ARFGAP3: variants seen among roughly 807,000 people sequenced by gnomAD.
ARFGAP3 encodes the protein ARF GTPase activating protein 3.
ARFGAP3 carries 72 observed loss-of-function variants against 75.0 expected under a neutral mutation model. The ratio of observed to expected loss-of-function variants is 0.96; its 90% CI spans 0.79 to 1.17. The LOEUF (loss-of-function observed/expected upper bound fraction) is 1.17. ARFGAP3 is among the 50% of genes most tolerant of loss of function. The pLI is 0.00. For synonymous variants in ARFGAP3, 221 were observed against 217.9 expected, an observed-to-expected ratio of 1.01 and a Z score of -0.13; for missense variants, 620 against 626.6, an observed-to-expected ratio of 0.99 and a Z score of 0.11.
chr22:42,834,031 C>A (rs749265440), intron 5 of ARFGAP3, among the ~76,000 whole-genome samples: 20 of 152,282 alleles, frequency 1.3e-4, no homozygotes, highest in Admixed American at 3.9e-4. Flanking sequence ...GAGATGGAAG[C>A]CACATGTTGA....
chr22:42,810,057 C>T (rs943666746), intron 12 of ARFGAP3, among the ~76,000 whole-genome samples: 4 of 150,760 alleles, frequency 2.7e-5, no homozygotes, highest in Admixed American at 1.3e-4. Flanking sequence ...CCTTCCTGAC[C>T]TAGGCCACCC....
At chr22:42,827,936 C>T (rs371444455) in intron 6 of ARFGAP3, among the ~76,000 whole-genome samples, 44 of 152,212 alleles carry the variant, frequency 2.9e-4, no homozygotes, top group East Asian at 9.7e-4. Context: ...TGAGCTACCG[C>T]GCCCAACCAT....
intron 2 of ARFGAP3, among the ~76,000 whole-genome samples, chr22:42,843,861 GTTCAA>G (rs1376081369): frequency 2.0e-5 from 3 of 152,198 alleles, no homozygotes; most frequent in Admixed American, 2.0e-4. Flanking sequence ...GCAGAGGTCA[GTTCAA>G]TCTGGTCCAC....
At position 42,822,447 on chromosome 22, in the gene ARFGAP3, T is replaced by G. The variant is rs1019435482; in HGVS notation, c.673-38A>C. 15 of 1,599,088 alleles carry G rather than the reference T, an allele frequency of 9.4e-6. No homozygotes were observed. The African/African-American group carries it at 2.0e-4, about 22-fold the overall frequency. ...TAAGACTATAGTCTACACGAGCTGTTTGAAAGCTTCTGTGACTACAGCTAA... is the reference window on the plus strand; with the variant it reads ...TAAGACTATAGTCTACACGAGCTGTGTGAAAGCTTCTGTGACTACAGCTAA... On this transcript the variant is annotated intron_variant, in intron 8 of 15. Coordinates refer to ENST00000263245, the MANE Select transcript of ARFGAP3 (RefSeq NM_014570.5).
chr22:42,854,976 T>C (rs1298695225), intron 1 of ARFGAP3, among the ~76,000 whole-genome samples: 1 of 152,258 alleles, frequency 6.6e-6, no homozygotes, highest in African/African-American at 2.4e-5. Flanking sequence ...CACAGGTGTG[T>C]TCTTCATCAT....
intron 1 of ARFGAP3, among the ~76,000 whole-genome samples, chr22:42,848,581 T>G (rs1251567652): frequency 6.6e-6 from 1 of 152,216 alleles, no homozygotes; most frequent in Non-Finnish European, 1.5e-5. Flanking sequence ...ATCTCAAACA[T>G]GCCTTATCCT....
intron 14 of ARFGAP3, among the ~76,000 whole-genome samples, chr22:42,804,637 C>T (rs1276623205): frequency 6.6e-6 from 1 of 152,134 alleles, no homozygotes; most frequent in Non-Finnish European, 1.5e-5. Flanking sequence ...GCCTCGGCCT[C>T]CCAAAGTACT....
chr22:42,811,520 C>A (rs1569141050), intron 11 of ARFGAP3, among the ~76,000 whole-genome samples: 1 of 152,212 alleles, frequency 6.6e-6, no homozygotes, highest in Non-Finnish European at 1.5e-5. Context: ...TGTTGGCAAT[C>A]CCTTCCGTGT....
intron 3 of ARFGAP3, among the ~76,000 whole-genome samples, chr22:42,838,889 T>C (rs1602122984): frequency 6.6e-6 from 1 of 151,872 alleles, no homozygotes. Context: ...GGCGGGCGGA[T>C]CACAAGGTCA....
intron 11 of ARFGAP3, among the ~76,000 whole-genome samples, chr22:42,814,162 C>A (rs1026059821): frequency 1.3e-5 from 2 of 151,894 alleles, no homozygotes; most frequent in Non-Finnish European, 2.9e-5. Flanking sequence ...TAAAAAAAAA[C>A]AAGGACAGGT....
In ARFGAP3 at chr22:42,814,762, G is replaced by A. The variant is rs142029860; in HGVS notation, c.1064+2380C>T. The stretch of plus-strand genomic sequence containing the variant: ...AAACTTTCTCTTTTTTTTGAGAGAG[G>A]GTCTTGCTCTGTTGCCCAGGCTGGA... On this transcript the variant is annotated intron_variant, in intron 11 of 15. Coordinates refer to ENST00000263245, the MANE Select transcript of ARFGAP3 (RefSeq NM_014570.5). Among the ~76,000 whole-genome samples, 713 of 152,040 alleles carry A rather than the reference G, an allele frequency of 4.7e-3. 1 individual carries two copies. Among genetic ancestry groups the A allele is most frequent in the African/African-American group, 0.015 (625 of 41,482 alleles).
intron 7 of ARFGAP3, 37 bp from the exon 8 acceptor site, chr22:42,823,739 GA>G: frequency 6.8e-7 from 1 of 1,477,182 alleles, no homozygotes; most frequent in Non-Finnish European, 9.1e-7. Flanking sequence ...AAGACCAATA[GA>G]AATAATTTTT....
intron 2 of ARFGAP3, among the ~76,000 whole-genome samples, chr22:42,841,946 AC>A (rs1926798659): frequency 6.7e-6 from 1 of 149,884 alleles, no homozygotes; most frequent in South Asian, 2.1e-4. Context: ...TGCAGCCTCA[AC>A]CAGGATTGCT....
intron 3 of ARFGAP3, 25 bp from the exon 4 acceptor site, chr22:42,835,518 A>G (rs2146566280): frequency 1.2e-6 from 2 of 1,612,090 alleles, no homozygotes; most frequent in Middle Eastern, 1.7e-4. Context: ...ATGCACATTA[A>G]TATTTTCGTA....
chr22:42,847,290 C>T (rs1927064617), intron 2 of ARFGAP3: 1 of 416,204 alleles, frequency 2.4e-6, no homozygotes, highest in Admixed American at 4.5e-5. Context: ...CTTCAGCCTC[C>T]TGAGTAACTA....
At chr22:42,838,589 G>C (rs1006594721) in intron 3 of ARFGAP3, among the ~76,000 whole-genome samples, 3 of 151,822 alleles carry the variant, frequency 2.0e-5, no homozygotes, top group Admixed American at 2.0e-4. Context: ...GAGCCACCAT[G>C]CCTGGCCATA....
Position 42,840,927 on chromosome 22 carries a change from G to C in ARFGAP3, c.261+17C>G, listed in dbSNP as rs759686805. 3.1e-6 allele frequency: 5 copies of C among 1,612,362 alleles called. No homozygotes were observed. In the African/African-American group the frequency reaches 5.3e-5, roughly 17 times the overall value. On this transcript the variant is annotated intron_variant, in intron 3 of 15. Coordinates refer to ENST00000263245, the MANE Select transcript of ARFGAP3 (RefSeq NM_014570.5). ...ATTTAAACAAGAAGGAAAATGACGA[G>C]TTTGAGATGAACTTACTGCACTAGC...
At chr22:42,842,007 C>T (rs1372411911) in intron 2 of ARFGAP3, among the ~76,000 whole-genome samples, 1 of 133,164 alleles carries the variant, frequency 7.5e-6, no homozygotes, top group East Asian at 2.2e-4. Context: ...GCTACCATGC[C>T]GGGCTTTTTT....
intron 14 of ARFGAP3, 75 bp downstream of exon 14, chr22:42,806,998 A>C: frequency 2.2e-6 from 3 of 1,367,152 alleles, no homozygotes; most frequent in African/African-American, 1.5e-5. Flanking sequence ...TTGGAAAAGG[A>C]AACAGTCCTA....
Sources: gnomAD v4.1 joint callset for allele counts (sites outside exome capture counted in the v4.1 genomes callset) on GRCh38, gnomAD v4.1.1 for gene constraint, MANE v1.5 for transcripts, NCBI Gene and HGNC (gene_info 2026-07-23, HGNC 2026-07-21) for gene names.